ALPK2: variants seen among roughly 807,000 people sequenced by gnomAD.
ALPK2 encodes alpha-protein kinase 2.
A neutral mutation model predicts 163.1 loss-of-function variants in ALPK2; 127 were observed. The ratio of observed to expected loss-of-function variants is 0.78; its 90% CI spans 0.67 to 0.90. ALPK2 has a LOEUF of 0.90. Among genes scored for constraint, ALPK2 ranks in the 40% least tolerant of loss-of-function variants. ALPK2 has a pLI of 0.00. For synonymous variants in ALPK2, 953 were observed against 959.1 expected (o/e 0.99, Z 0.12); for missense variants, 2,360 against 2,589.6 (o/e 0.91, Z 1.92).
chr18:58,558,096 G>A (rs1195204570), intron 4 of ALPK2, among the ~76,000 whole-genome samples: 5 of 152,154 alleles, frequency 3.3e-5, no homozygotes, highest in African/African-American at 1.2e-4. Context: ...TAATTAATGT[G>A]CATGTAAATT....
intron 4 of ALPK2, among the ~76,000 whole-genome samples, chr18:58,543,138 G>A (rs530748652): frequency 4.6e-5 from 7 of 152,300 alleles, no homozygotes; most frequent in South Asian, 2.1e-4. Flanking sequence ...GGCATAGAGC[G>A]TGCTTAGCCC....
At chr18:58,618,329 G>A (rs1172844996) in intron 1 of ALPK2, among the ~76,000 whole-genome samples, 1 of 151,828 alleles carries the variant, frequency 6.6e-6, no homozygotes, top group Non-Finnish European at 1.5e-5. Flanking sequence ...TTACAGGCAT[G>A]AGCCACCCCG....
In ALPK2 at chr18:58,535,537, G is replaced by T. The variant is rs749553859; in HGVS notation, c.4650C>A (p.His1550Gln). The change falls in exon 5 of 13, where the codon CAC (histidine) becomes CAA (glutamine). Residue 1550 changes from histidine (H) to glutamine (Q), a missense_variant. Physicochemically the swap from His to Gln is conservative, Grantham distance 24 (BLOSUM62 0). Coordinates refer to ENST00000361673, the MANE Select transcript of ALPK2 (RefSeq NM_052947.4). ...TGTGCGTGTCAACCCCAAGAGAAGCGTGAGTCATTATTGGAAGACAACTAG... is the reference window on the plus strand; with the variant it reads ...TGTGCGTGTCAACCCCAAGAGAAGCTTGAGTCATTATTGGAAGACAACTAG... ...PLSSCLPIMT[H>Q]ASLGVDTHNS... 6.2e-7 allele frequency: 1 copy of T among 1,614,178 alleles called. No individual in the cohort carries two copies.
chr18:58,622,303 C>T (rs1368460273), intron 1 of ALPK2, among the ~76,000 whole-genome samples: 4 of 152,018 alleles, frequency 2.6e-5, no homozygotes, highest in Non-Finnish European at 4.4e-5. Context: ...GCCGAGATCG[C>T]ACCATTGCAC....
At chr18:58,511,097 T>G (rs1246714904) in intron 10 of ALPK2, among the ~76,000 whole-genome samples, 1 of 151,920 alleles carries the variant, frequency 6.6e-6, no homozygotes, top group South Asian at 2.1e-4. Context: ...TAGCATGAAG[T>G]GTTGTTGAAT....
At chr18:58,567,145 G>C (rs1431223213) in intron 4 of ALPK2, among the ~76,000 whole-genome samples, 1 of 151,876 alleles carries the variant, frequency 6.6e-6, no homozygotes, top group Non-Finnish European at 1.5e-5. Context: ...CAGCACTTTG[G>C]GAGGCCGAAG....
chr18:58,607,355 T>C lies in ALPK2; in HGVS notation c.194A>G (p.Glu65Gly). The C allele has an allele frequency of 2.5e-6, 4 of 1,613,572 alleles. No homozygotes were observed. Among genetic ancestry groups the C allele is most frequent in the Non-Finnish European group, 3.4e-6 (4 of 1,179,762 alleles). ...SGIISNYEFF[E>G]NQYIHVLHLS... ...ATGTAACACATGAATATACTGATTC[T>C]CAAAGAATTCATAGTTGGAAATAAT... is the stretch of plus-strand genomic sequence containing the variant. The change falls in exon 3 of 13, where the codon GAG becomes GGG. Residue 65 changes from glutamate (E) to glycine (G), a missense_variant. Coordinates refer to ENST00000361673, the MANE Select transcript of ALPK2 (RefSeq NM_052947.4).
chr18:58,521,486 T>G (rs2051550915), intron 8 of ALPK2, among the ~76,000 whole-genome samples: 1 of 152,144 alleles, frequency 6.6e-6, no homozygotes, highest in South Asian at 2.1e-4. Flanking sequence ...GGATTTTAAA[T>G]TATAACACAT....
At chr18:58,621,229 A>G (rs1602243653) in intron 1 of ALPK2, among the ~76,000 whole-genome samples, 1 of 151,982 alleles carries the variant, frequency 6.6e-6, no homozygotes, top group East Asian at 1.9e-4. Flanking sequence ...TCCGGGATAC[A>G]TTAAATGAAA....
At chr18:58,496,931 C>A (rs552579136) in intron 12 of ALPK2, among the ~76,000 whole-genome samples, 19 of 152,356 alleles carry the variant, frequency 1.2e-4, no homozygotes, top group East Asian at 7.7e-4. Flanking sequence ...CCTAATCACC[C>A]CAGTGCAGGT....
intron 3 of ALPK2, among the ~76,000 whole-genome samples, chr18:58,605,173 A>G (rs192301402): frequency 8.5e-5 from 13 of 152,340 alleles, no homozygotes; most frequent in Admixed American, 8.5e-4. Flanking sequence ...TAGGCAAACT[A>G]TAGCCCGCAG....
chr18:58,483,816 C>A (rs1176400481), intron 12 of ALPK2, among the ~76,000 whole-genome samples: 2 of 151,610 alleles, frequency 1.3e-5, no homozygotes, highest in South Asian at 4.2e-4. Context: ...CCGCCCGCCT[C>A]GGCCTCCCAA....
In ALPK2 at chr18:58,536,336, A is replaced by G. The variant is rs748859348; in HGVS notation, c.3851T>C (p.Val1284Ala). The change falls in exon 5 of 13, where the codon GTT becomes GCT. Residue 1284 changes from valine (V) to alanine (A), a missense_variant. Physicochemically the swap from Val to Ala is moderately conservative, Grantham distance 64. Transcript: ENST00000361673. ...TTCAGAGGGGGCCAATTCAGGCACA[A>G]CAGCATCTGCCTTTAGACTATCAGG... ...AVPDSLKADA[V>A]VPELAPSEIA... 6.2e-7 allele frequency: 1 copy of G among 1,614,208 alleles called. No homozygotes were observed. The highest frequency in any genetic ancestry group is 1.7e-5 in the Admixed American group (1 of 60,028).
chr18:58,488,665 A>G (rs1340128648), intron 12 of ALPK2, among the ~76,000 whole-genome samples: 1 of 151,886 alleles, frequency 6.6e-6, no homozygotes, highest in East Asian at 1.9e-4. Flanking sequence ...GCTACATTGA[A>G]CAGCTTGAGC....
rs573605242 is a variant in ALPK2, at chr18:58,572,244, A to G, written c.1962+6570T>C. On this transcript the variant is annotated intron_variant, in intron 4 of 12. Coordinates refer to ENST00000361673, the MANE Select transcript of ALPK2 (RefSeq NM_052947.4). ...AAGTCCAGAATCAAAAATAATGACA[A>G]TACCAAATGCTGGTGCAGATGTGGC... is the stretch of plus-strand genomic sequence containing the variant. Among the ~76,000 whole-genome samples the G allele has an allele frequency of 2.0e-5, 3 of 152,346 alleles. No individual in the cohort carries two copies. In the East Asian group the frequency reaches 5.8e-4, roughly 29 times the overall value.
rs1171003188 is a variant in ALPK2 at position 58,535,940 on chromosome 18, C to A, written c.4247G>T (p.Arg1416Met). ...IDEISVIEYT[R>M]AGKPEPSETT... Reference sequence around the variant, plus strand: ...TTCAGAGGGCTCTGGTTTTCCAGCCCTGGTGTACTCTATCACACTTATCTC... The same window carrying A: ...TTCAGAGGGCTCTGGTTTTCCAGCCATGGTGTACTCTATCACACTTATCTC... The change falls in exon 5 of 13, where the codon AGG becomes ATG. Residue 1416 changes from arginine (R) to methionine (M), a missense_variant. Physicochemically the swap from Arg to Met is moderately conservative, Grantham distance 91 (BLOSUM62 -1). Transcript: ENST00000361673. 1.2e-6 allele frequency: 2 copies of A among 1,614,192 alleles called. No homozygotes were observed. The highest frequency in any genetic ancestry group is 1.7e-6 in the Non-Finnish European group (2 of 1,180,040).
chr18:58,594,197 C>CT (rs1054796336), intron 3 of ALPK2, among the ~76,000 whole-genome samples: 18 of 152,154 alleles, frequency 1.2e-4, no homozygotes, highest in African/African-American at 3.9e-4. Context: ...CGCAGAAGCT[C>CT]TGCCCTTTTG....
In ALPK2 at chr18:58,502,180, A is replaced by ACAC. The variant is rs1568067735; in HGVS notation, c.6247+1750_6247+1751insGTG. 2.6e-3 allele frequency among the ~76,000 whole-genome samples: 332 copies of ACAC among 130,014 alleles called. 1 individual carries two copies. The highest frequency in any genetic ancestry group is 8.4e-3 in the African/African-American group (316 of 37,446). 85.3% of individuals were successfully genotyped at this position (130,014 alleles called of 152,430 possible). Reference sequence around the variant, plus strand: ...CACACACACACACACACACACACACAAAGAAAAAAAAAAGGAAAGAAAAAA... The same window carrying ACAC: ...CACACACACACACACACACACACACACACAAGAAAAAAAAAAGGAAAGAAAAAA... On this transcript the variant is annotated intron_variant, in intron 11 of 12. Coordinates refer to ENST00000361673, the MANE Select transcript of ALPK2 (RefSeq NM_052947.4).
intron 1 of ALPK2, among the ~76,000 whole-genome samples, chr18:58,625,443 AC>A (rs1313307702): frequency 6.6e-6 from 1 of 152,264 alleles, no homozygotes; most frequent in Admixed American, 6.5e-5. Context: ...AGAAATGGCT[AC>A]AGCAGTGGTT....
Sources: allele counts gnomAD v4.1 joint callset (sites outside exome capture counted in the v4.1 genomes callset), GRCh38; gene constraint gnomAD v4.1.1; transcripts MANE v1.5; gene names NCBI Gene and HGNC (gene_info 2026-07-23, HGNC 2026-07-21).